PHF21B: variants seen among roughly 807,000 people sequenced by gnomAD.
PHF21B encodes the protein PHD finger protein 21B.
PHF21B carries 22 observed loss-of-function variants against 62.2 expected under a neutral mutation model. The observed-to-expected ratio is 0.35, with a 90% CI of 0.25 to 0.51. The LOEUF (loss-of-function observed/expected upper bound fraction) is 0.51, where lower values mean the gene tolerates loss of function less well. Among genes scored for constraint, PHF21B ranks in the 20% least tolerant of loss-of-function variants. PHF21B has a pLI of 0.97. For synonymous variants in PHF21B, 341 were observed against 314.7 expected, an observed-to-expected ratio of 1.08 and a Z score of -0.88; for missense variants, 701 against 707.9, an observed-to-expected ratio of 0.99 and a Z score of 0.11.
rs1419711078 is a variant in PHF21B at position 44,920,359 on chromosome 22, A to G, written c.213+39T>C. 4 of 1,522,960 alleles carry G rather than the reference A, an allele frequency of 2.6e-6. No individual in the cohort carries two copies. The African/African-American group carries it at 5.5e-5, about 21-fold the overall frequency. 94.3% of individuals were successfully genotyped at this position (1,522,960 alleles called of 1,614,324 possible). ...TTAGGAACAGAGACTGCGGGGACAG[A>G]CAGACGGACACCCCAGGGCCCGCCC... On this transcript the variant is annotated intron_variant, in intron 3 of 12. Coordinates refer to ENST00000313237, the MANE Select transcript of PHF21B (RefSeq NM_138415.5).
At chr22:44,883,816 G>A (rs1325946732) in intron 12 of PHF21B, among the ~76,000 whole-genome samples, 2 of 151,950 alleles carry the variant, frequency 1.3e-5, no homozygotes, top group Admixed American at 6.6e-5. Context: ...CAACCTCCCC[G>A]AGATGGTTTC....
At chr22:44,912,889 AAAAAAAAAGAC>A (rs1173956526) in intron 5 of PHF21B, among the ~76,000 whole-genome samples, 2 of 149,988 alleles carry the variant, frequency 1.3e-5, no homozygotes, top group East Asian at 1.9e-4. Flanking sequence ...AAAAAAAAAA[AAAAAAAAAGAC>A]AAAAAGAAAG....
At chr22:44,981,630 A>G (rs1428450327) in intron 2 of PHF21B, among the ~76,000 whole-genome samples, 2 of 152,194 alleles carry the variant, frequency 1.3e-5, no homozygotes, top group Non-Finnish European at 2.9e-5. Context: ...TGAAGAGTGG[A>G]CCTGAGAATT....
intron 2 of PHF21B, among the ~76,000 whole-genome samples, chr22:45,007,834 G>A (rs1177609194): frequency 6.6e-6 from 1 of 151,576 alleles, no homozygotes; most frequent in Non-Finnish European, 1.5e-5. Flanking sequence ...TCTGTTCGTG[G>A]TGCTGAAACC....
intron 2 of PHF21B, among the ~76,000 whole-genome samples, chr22:44,941,260 G>A (rs1010193099): frequency 6.6e-6 from 1 of 152,190 alleles, no homozygotes; most frequent in Non-Finnish European, 1.5e-5. Context: ...GACCTCCAGA[G>A]GTCCACGCAG....
At chr22:44,936,076 G>A (rs1167942996) in intron 2 of PHF21B, among the ~76,000 whole-genome samples, 2 of 152,260 alleles carry the variant, frequency 1.3e-5, no homozygotes, top group African/African-American at 4.8e-5. Flanking sequence ...TGTACTAGGA[G>A]AGGCGGAAAC....
intron 2 of PHF21B, among the ~76,000 whole-genome samples, chr22:44,928,812 C>A (rs945309390): frequency 1.3e-5 from 2 of 152,234 alleles, no homozygotes; most frequent in African/African-American, 4.8e-5. Context: ...GAGACCCTCA[C>A]TGGACAAGGG....
rs2073185741 is a variant in PHF21B at position 44,999,996 on chromosome 22, CCAGGCACTCTGCT to C, written c.120+8536_120+8548del. Among the ~76,000 whole-genome samples, 8 of 152,266 alleles carry C rather than the reference CCAGGCACTCTGCT, an allele frequency of 5.3e-5. No individual in the cohort carries two copies. The South Asian group carries it at 1.7e-3, about 32-fold the overall frequency. ...TTGTTTCTTGAGTGCTCACCGAGCA[CCAGGCACTCTGCT>C]GCCTGGCTGGCCATGAACTATTATT... On this transcript the variant is annotated intron_variant, in intron 2 of 12. Transcript: ENST00000313237.
chr22:44,951,217 A>G (rs556797824), intron 2 of PHF21B, among the ~76,000 whole-genome samples: 1 of 152,334 alleles, frequency 6.6e-6, no homozygotes, highest in Admixed American at 6.5e-5. Flanking sequence ...GCCGTGCTCC[A>G]GTGCCAGCAT....
Position 44,885,781 on chromosome 22 carries a change from C to A in PHF21B, c.1273+82G>T. The A allele has an allele frequency of 2.8e-6, 4 of 1,406,446 alleles. No homozygotes were observed. The Admixed American group carries it at 7.6e-5, about 27-fold the overall frequency. The allele number at this position is 1,406,446 out of a possible 1,614,324, so 87.1% of individuals were successfully genotyped here. On this transcript the variant is annotated intron_variant, in intron 11 of 12. Coordinates refer to ENST00000313237, the MANE Select transcript of PHF21B (RefSeq NM_138415.5). Reference sequence around the variant, plus strand: ...AAGGGAATGGACCCACCTGTCCTCCCACAGGACCAGGTGAGCCCAGAGGCC... The same window carrying A: ...AAGGGAATGGACCCACCTGTCCTCCAACAGGACCAGGTGAGCCCAGAGGCC...
In PHF21B at chr22:44,888,011, G is replaced by C; in HGVS notation, c.1149C>G (p.Leu383=). Residue 383 remains leucine, a synonymous_variant, in exon 10 of 13, where the codon CTC becomes CTG. Transcript: ENST00000313237. ...CCCACACGCCCTTGGGCGCCGTCTT[G>C]AGGGGCGGCTCCAGGCAGCTGAGGT... ...AYHLSCLEPP[L]KTAPKGVWVC... 6.4e-7 allele frequency: 1 copy of C among 1,572,058 alleles called. No individual in the cohort carries two copies. The highest frequency in any genetic ancestry group is 8.6e-7 in the Non-Finnish European group (1 of 1,159,652).
intron 2 of PHF21B, among the ~76,000 whole-genome samples, chr22:44,944,259 A>G (rs1189700824): frequency 2.0e-5 from 3 of 152,170 alleles, no homozygotes; most frequent in Non-Finnish European, 4.4e-5. Context: ...ACGTCCTTTC[A>G]AGGGAATTCG....
At chr22:44,899,285 C>CTT (rs71188499) in intron 5 of PHF21B, among the ~76,000 whole-genome samples, 285 of 97,488 alleles carry the variant, frequency 2.9e-3, no homozygotes, top group African/African-American at 4.4e-3. Flanking sequence ...TGTTCTTATT[C>CTT]TTTTTTTTTT....
At chr22:45,005,936 T>A (rs1171006541) in intron 2 of PHF21B, among the ~76,000 whole-genome samples, 1 of 152,162 alleles carries the variant, frequency 6.6e-6, no homozygotes, top group Admixed American at 6.5e-5. Flanking sequence ...GGTGACCAAG[T>A]AGAGGCCTCT....
Position 45,009,990 on chromosome 22 carries a change from A to G in PHF21B, c.-441T>C, listed in dbSNP as rs1161925647. ...CTCGGCAAAGTTGTGCCTCGGCACG[A>G]TGCTAATTCGGCAGTGCCCGGATGG... On this transcript the variant is annotated 5_prime_UTR_variant, in exon 1 of 13. Coordinates refer to ENST00000313237, the MANE Select transcript of PHF21B (RefSeq NM_138415.5). This position sits in a 1 kb window ranked among gnomAD's most constrained non-coding sequence, Gnocchi z 5.9. The G allele has an allele frequency of 5.5e-5, 8 of 145,400 alleles. No individual in the cohort carries two copies. Among genetic ancestry groups the G allele is most frequent in the Non-Finnish European group, 1.2e-4 (8 of 65,396 alleles). 9.0% of individuals were successfully genotyped at this position (145,400 alleles called of 1,614,324 possible).
In PHF21B at chr22:44,889,877, C is replaced by G. The variant is rs2147252377; in HGVS notation, c.1016-95G>C. 4 of 1,322,684 alleles carry G rather than the reference C, an allele frequency of 3.0e-6. No homozygotes were observed. The South Asian group carries it at 5.3e-5, about 18-fold the overall frequency. The allele number at this position is 1,322,684 out of a possible 1,614,324, so 81.9% of individuals were successfully genotyped here. ...CATGAGGCCTCATGTGGCAAGGGCT[C>G]TTACCCCAGGGCATGATGGGAGCAT... On this transcript the variant is annotated intron_variant, in intron 8 of 12. Transcript: ENST00000313237.
intron 5 of PHF21B, among the ~76,000 whole-genome samples, chr22:44,896,487 A>T (rs1314306063): frequency 6.6e-6 from 1 of 152,204 alleles, no homozygotes; most frequent in Non-Finnish European, 1.5e-5. Context: ...CTCCTTGAAA[A>T]CACTGGATAC....
intron 2 of PHF21B, among the ~76,000 whole-genome samples, chr22:44,965,019 GC>G (rs2072496890): frequency 6.6e-6 from 1 of 152,162 alleles, no homozygotes; most frequent in Admixed American, 6.5e-5. Context: ...CATCTCAGGG[GC>G]TCACGTCCTT....
intron 2 of PHF21B, among the ~76,000 whole-genome samples, chr22:44,960,455 C>G (rs1188709258): frequency 6.6e-6 from 1 of 152,204 alleles, no homozygotes; most frequent in Non-Finnish European, 1.5e-5. Flanking sequence ...GCCCAACCCT[C>G]CACTGGCTGG....
Sources: allele counts gnomAD v4.1 joint callset (sites outside exome capture counted in the v4.1 genomes callset), GRCh38; gene constraint gnomAD v4.1.1; non-coding constraint Gnocchi (gnomAD v3.1); transcripts MANE v1.5; gene names NCBI Gene and HGNC (gene_info 2026-07-23, HGNC 2026-07-21).